The following LEMD3 variants were observed in gnomAD, a reference collection of about 807,000 sequenced individuals.
The protein encoded by LEMD3 is LEM domain containing 3.
A neutral mutation model predicts 95.2 loss-of-function variants in LEMD3; 33 were observed. That is an observed-to-expected ratio of 0.35 (90% confidence interval 0.26 to 0.46). The LOEUF (loss-of-function observed/expected upper bound fraction) is 0.46. Ranked by LOEUF, LEMD3 falls within the 20% of genes least tolerant of loss-of-function variation. LEMD3 has a pLI of 1.00. For missense variants in LEMD3, 1,210 were observed against 1,192.8 expected (o/e 1.01, Z -0.21); for synonymous variants, 525 against 474.6 (o/e 1.11, Z -1.38).
Position 65,175,314 on chromosome 12 carries a change from CTCA to C in LEMD3, c.1522+4199_1522+4201del. On this transcript the variant is annotated intron_variant, in intron 1 of 12. Transcript: ENST00000308330. ...AATCTCATTTTCCACTAGTCCCTTT[CTCA>C]TCCTATAAAAATACTAAAATCTCTA... Among the ~76,000 whole-genome samples, 3 of 152,274 alleles carry C rather than the reference CTCA, an allele frequency of 2.0e-5. No individual in the cohort carries two copies. In the South Asian group the frequency reaches 6.2e-4, roughly 32 times the overall value.
At chr12:65,236,567 C>A (rs1341671900) in intron 4 of LEMD3, among the ~76,000 whole-genome samples, 2 of 151,090 alleles carry the variant, frequency 1.3e-5, no homozygotes, top group East Asian at 1.9e-4. Flanking sequence ...AAAAAAAATT[C>A]ATTTTTTGCT....
chr12:65,171,591 A>G (rs1283681017), intron 1 of LEMD3: 2 of 192,024 alleles, frequency 1.0e-5, no homozygotes, highest in Non-Finnish European at 2.2e-5. Context: ...TTCGGATTAA[A>G]TATTTTGTGG....
Position 65,246,287 on chromosome 12 carries a change from C to T in LEMD3, c.2698C>T (p.Leu900Phe). The stretch of plus-strand genomic sequence containing the variant: ...TATGAACTCCATGTCTCATCTTCGT[C>T]TTCGGACTGGCCTAACCAATTCTCA... ...KHMNSMSHLRLRTGLTNSQGS... is the reference protein window; with the variant it reads ...KHMNSMSHLRFRTGLTNSQGS... The change falls in exon 13 of 13, where the codon CTT (leucine) becomes TTT (phenylalanine). Residue 900 changes from leucine to phenylalanine, a missense_variant. Coordinates refer to ENST00000308330, the MANE Select transcript of LEMD3 (RefSeq NM_014319.5). The T allele has an allele frequency of 6.2e-7, 1 of 1,613,722 alleles. No individual in the cohort carries two copies. The highest frequency in any genetic ancestry group is 1.3e-5 in the African/African-American group (1 of 75,066).
intron 4 of LEMD3, among the ~76,000 whole-genome samples, chr12:65,236,751 T>C (rs916928527): frequency 1.7e-4 from 26 of 152,238 alleles, no homozygotes; most frequent in African/African-American, 6.3e-4. Flanking sequence ...ATTCTAAATG[T>C]TCATTAATAA....
At chr12:65,243,299 G>C (rs1870989306) in intron 9 of LEMD3, 89 bp from the exon 10 acceptor site, 5 of 822,714 alleles carry the variant, frequency 6.1e-6, no homozygotes, top group Non-Finnish European at 1.1e-5. Context: ...AAAGCATGCA[G>C]TGAATATTTT....
rs546137346 is a variant in LEMD3 at position 65,209,023 on chromosome 12, T to C, written c.1523-1903T>C. Among the ~76,000 whole-genome samples, 10 of 152,228 alleles carry C rather than the reference T, an allele frequency of 6.6e-5. No individual in the cohort carries two copies. In the South Asian group the frequency reaches 1.0e-3, roughly 16 times the overall value. The stretch of plus-strand genomic sequence containing the variant: ...TACCCTCCTCCAGCATCCTGCAAAA[T>C]TGAACACTTTTGCTTCAGTGTTAAC... On this transcript the variant is annotated intron_variant, in intron 1 of 12. Transcript: ENST00000308330.
intron 1 of LEMD3, among the ~76,000 whole-genome samples, chr12:65,198,770 T>G (rs1869507743): frequency 6.6e-6 from 1 of 152,228 alleles, no homozygotes. Flanking sequence ...TGTAAGTGGT[T>G]GTTATACTGT....
rs1868458467 is a variant in LEMD3, at chr12:65,169,876, G to A, written c.280G>A (p.Val94Ile). ...AAAAGMGVRP[V>I]SGDLSYLRTP... ...GGCCGCGGGGATGGGGGTCCGGCCGGTCTCGGGCGACCTCTCCTACTTACG... is the reference window on the plus strand; with the variant it reads ...GGCCGCGGGGATGGGGGTCCGGCCGATCTCGGGCGACCTCTCCTACTTACG... The change falls in exon 1 of 13, where the codon GTC becomes ATC. Residue 94 changes from valine to isoleucine, a missense_variant. Val to Ile is a conservative substitution (Grantham distance 29). Transcript: ENST00000308330. 6.9e-7 allele frequency: 1 copy of A among 1,455,206 alleles called. No individual in the cohort carries two copies. The highest frequency in any genetic ancestry group is 9.1e-7 in the Non-Finnish European group (1 of 1,103,788). 90.1% of individuals were successfully genotyped at this position (1,455,206 alleles called of 1,614,324 possible). A position where few individuals can be genotyped will look rare whatever the true frequency, so the allele number is the denominator to read the frequency against.
chr12:65,173,098 G>T (rs1592427020), intron 1 of LEMD3, among the ~76,000 whole-genome samples: 1 of 152,192 alleles, frequency 6.6e-6, no homozygotes, highest in African/African-American at 2.4e-5. Flanking sequence ...GTAGGGCTAA[G>T]ATTTGGTTTC....
In LEMD3 at chr12:65,170,804, C is replaced by T; in HGVS notation, c.1208C>T (p.Pro403Leu). Reference protein sequence around the residue: ...IGGGAFSVDSPRIYSNSLPPS... With the variant: ...IGGGAFSVDSLRIYSNSLPPS... Reference sequence around the variant, plus strand: ...GGTGGGGCCTTCAGTGTGGACTCCCCCAGGATTTATTCTAACAGTCTCCCT... The same window carrying T: ...GGTGGGGCCTTCAGTGTGGACTCCCTCAGGATTTATTCTAACAGTCTCCCT... Residue 403 changes from proline to leucine, a missense_variant, in exon 1 of 13, where the codon CCC becomes CTC. Pro to Leu is a moderately conservative substitution (Grantham distance 98). Around this residue, in one of 2 missense-constraint regions of LEMD3, gnomAD observed 749 missense variants for 622.9 expected, o/e 1.20. Coordinates refer to ENST00000308330, the MANE Select transcript of LEMD3 (RefSeq NM_014319.5). 1 of 1,614,206 alleles carries T rather than the reference C, an allele frequency of 6.2e-7. No homozygotes were observed.
intron 1 of LEMD3, among the ~76,000 whole-genome samples, chr12:65,193,615 T>G (rs912524040): frequency 6.6e-6 from 1 of 152,076 alleles, no homozygotes; most frequent in African/African-American, 2.4e-5. Context: ...GATCACCAAT[T>G]TCAGGTGTTT....
At chr12:65,195,151 G>A (rs2136327067) in intron 1 of LEMD3, among the ~76,000 whole-genome samples, 1 of 152,152 alleles carries the variant, frequency 6.6e-6, no homozygotes, top group African/African-American at 2.4e-5. Context: ...GGTTGAATCT[G>A]CAGATGCAGA....
intron 1 of LEMD3, among the ~76,000 whole-genome samples, chr12:65,207,886 A>C (rs779727757): frequency 1.3e-5 from 2 of 152,160 alleles, no homozygotes; most frequent in African/African-American, 2.4e-5. Context: ...GTGTAAGAGA[A>C]TGGAAAACAG....
chr12:65,186,169 G>C (rs76108083), intron 1 of LEMD3, among the ~76,000 whole-genome samples: 195 of 152,116 alleles, frequency 1.3e-3, no homozygotes, highest in Non-Finnish European at 2.7e-3. Flanking sequence ...ACTTGCCTGA[G>C]ATTCTAAGTC....
At chr12:65,203,459 A>G (rs1448525103) in intron 1 of LEMD3, among the ~76,000 whole-genome samples, 3 of 152,062 alleles carry the variant, frequency 2.0e-5, no homozygotes, top group East Asian at 3.9e-4. Flanking sequence ...GGATTTTTGC[A>G]TTTATCTTTC....
intron 1 of LEMD3, among the ~76,000 whole-genome samples, chr12:65,202,092 A>G (rs181401984): frequency 6.6e-6 from 1 of 151,430 alleles, no homozygotes; most frequent in East Asian, 1.9e-4. Context: ...GCTCACTGCA[A>G]CTTTTTCCTT....
At position 65,170,790 on chromosome 12, in the gene LEMD3, C is replaced by A. The variant is rs372402033; in HGVS notation, c.1194C>A (p.Phe398Leu). The change falls in exon 1 of 13, where the codon TTC becomes TTA. Residue 398 changes from phenylalanine (F) to leucine (L), a missense_variant. Phe to Leu is a conservative substitution (Grantham distance 22). Around this residue, in one of 2 missense-constraint regions of LEMD3, gnomAD observed 749 missense variants for 622.9 expected, o/e 1.20. Transcript: ENST00000308330. ...ATAATCATATTGGCGGTGGGGCCTT[C>A]AGTGTGGACTCCCCCAGGATTTATT... Reference protein sequence around the residue: ...KTNNHIGGGAFSVDSPRIYSN... With the variant: ...KTNNHIGGGALSVDSPRIYSN... 5 of 1,614,090 alleles carry A rather than the reference C, an allele frequency of 3.1e-6. No individual in the cohort carries two copies. The African/African-American group carries it at 5.3e-5, about 17-fold the overall frequency.
Position 65,215,993 on chromosome 12 carries a change from T to G in LEMD3, c.1577T>G (p.Leu526Arg). 1 of 1,563,220 alleles carries G rather than the reference T, an allele frequency of 6.4e-7. No individual in the cohort carries two copies. Among genetic ancestry groups the G allele is most frequent in the Non-Finnish European group, 8.7e-7 (1 of 1,143,642 alleles). Residue 526 changes from leucine to arginine, a missense_variant, in exon 3 of 13, where the codon CTT becomes CGT. Leu to Arg is a moderately radical substitution (Grantham distance 102). Around this residue, in one of 2 missense-constraint regions of LEMD3, gnomAD observed 461 missense variants for 569.8 expected, o/e 0.81. Coordinates refer to ENST00000308330, the MANE Select transcript of LEMD3 (RefSeq NM_014319.5). ...TAATTTTAGGAAAGTGAAAAAACTC[T>G]TATGATGAACACATTATATAAGCTT... Reference protein sequence around the residue: ...FGKIQESEKTLMMNTLYKLHD... With the variant: ...FGKIQESEKTRMMNTLYKLHD...
chr12:65,243,522 G>A, intron 10 of LEMD3, 53 bp downstream of exon 10: 5 of 973,896 alleles, frequency 5.1e-6, no homozygotes, highest in Non-Finnish European at 8.4e-6. Context: ...TATTTGGCTG[G>A]AAAATGCATG....
Sources: allele counts gnomAD v4.1 joint callset (sites outside exome capture counted in the v4.1 genomes callset), GRCh38; gene constraint gnomAD v4.1.1; regional missense constraint gnomAD v4.1.1; transcripts MANE v1.5; gene names NCBI Gene and HGNC (gene_info 2026-07-23, HGNC 2026-07-21).